The following MAST4 variants were observed in gnomAD, a reference collection of about 807,000 sequenced individuals.
MAST4 encodes microtubule-associated serine/threonine-protein kinase 4.
A neutral mutation model predicts 162.7 loss-of-function variants in MAST4; 89 were observed. That is an observed-to-expected ratio of 0.55 (90% CI 0.46 to 0.65). MAST4 has a LOEUF of 0.65. MAST4 is among the 30% of genes least tolerant of loss of function. The pLI, the probability that MAST4 is intolerant of heterozygous loss-of-function variation, is 0.00. For synonymous variants in MAST4, 1,479 were observed against 1,361.1 expected (o/e 1.09, Z -1.91); for missense variants, 3,153 against 3,374.0 (o/e 0.93, Z 1.62).
intron 1 of MAST4, among the ~76,000 whole-genome samples, chr5:66,726,768 T>C (rs1751547280): frequency 1.3e-5 from 2 of 152,130 alleles, no homozygotes; most frequent in Non-Finnish European, 2.9e-5. Context: ...TAGATTATCA[T>C]AGGAGTGTGA....
At chr5:66,679,734 G>A (rs1033744303) in intron 1 of MAST4, among the ~76,000 whole-genome samples, 5 of 151,898 alleles carry the variant, frequency 3.3e-5, no homozygotes, top group African/African-American at 1.2e-4. Context: ...CTCTCCAGTT[G>A]GGGAGGCACT....
rs1773561570 is a variant in MAST4, at chr5:67,164,053, T to C, written c.4874T>C (p.Val1625Ala). 2 of 1,570,276 alleles carry C rather than the reference T, an allele frequency of 1.3e-6. No homozygotes were observed. Among genetic ancestry groups the C allele is most frequent in the Admixed American group, 3.7e-5 (2 of 53,864 alleles). Residue 1625 changes from valine to alanine, a missense_variant, in exon 29 of 29, where the codon GTG becomes GCG. By Grantham distance (64) the Val-to-Ala change is moderately conservative (BLOSUM62 0). Around this residue, in one of 7 missense-constraint regions of MAST4, gnomAD observed 1,644 missense variants for 1,495.0 expected, o/e 1.10. Coordinates refer to ENST00000403625, the MANE Select transcript of MAST4 (RefSeq NM_001164664.2). The surrounding 1 kb of genome is among the most constrained non-coding windows in gnomAD (Gnocchi z 5.3). Reference sequence around the variant, plus strand: ...GAGGGTGCGATGTCGGATGGCCGGGTGCCTGCGGAGCACCGCCAGGGTGGC... The same window carrying C: ...GAGGGTGCGATGTCGGATGGCCGGGCGCCTGCGGAGCACCGCCAGGGTGGC... ...ASEGAMSDGRVPAEHRQGGGD... is the reference protein window; with the variant it reads ...ASEGAMSDGRAPAEHRQGGGD...
At chr5:66,952,841 C>A (rs747100074) in intron 4 of MAST4, among the ~76,000 whole-genome samples, 1 of 152,164 alleles carries the variant, frequency 6.6e-6, no homozygotes, top group Non-Finnish European at 1.5e-5. Flanking sequence ...CTTCCCAGCC[C>A]GATCTAAAGA....
At chr5:66,833,323 T>G (rs1757743247) in intron 3 of MAST4, among the ~76,000 whole-genome samples, 1 of 152,194 alleles carries the variant, frequency 6.6e-6, no homozygotes, top group South Asian at 2.1e-4. Context: ...CATCAAAGTA[T>G]GTCTAGAGGC....
At chr5:66,597,584 C>A (rs375429480) in intron 1 of MAST4, among the ~76,000 whole-genome samples, 1 of 152,192 alleles carries the variant, frequency 6.6e-6, no homozygotes, top group African/African-American at 2.4e-5. Context: ...AAGAGGACTC[C>A]CCGCGCTCCC....
Position 67,165,614 on chromosome 5 carries a change from C to T in MAST4, c.6435C>T (p.Ser2145=), listed in dbSNP as rs772513465. ...PPPLTAKDLS[S]PAARQHCSSP... is the part of the protein sequence containing the mutation. Reference sequence around the variant, plus strand: ...CTCTGACGGCCAAAGACCTGTCCAGCCCGGCTGCCAGGCAGCATTGCAGTT... The same window carrying T: ...CTCTGACGGCCAAAGACCTGTCCAGTCCGGCTGCCAGGCAGCATTGCAGTT... The change falls in exon 29 of 29, where the codon AGC becomes AGT. Residue 2145 remains serine (S), a synonymous_variant. Transcript: ENST00000403625. 3 of 1,613,398 alleles carry T rather than the reference C, an allele frequency of 1.9e-6. No homozygotes were observed. Among genetic ancestry groups the T allele is most frequent in the Non-Finnish European group, 2.5e-6 (3 of 1,179,696 alleles).
At chr5:66,615,440 C>T (rs1017828885) in intron 1 of MAST4, among the ~76,000 whole-genome samples, 18 of 152,150 alleles carry the variant, frequency 1.2e-4, no homozygotes, top group African/African-American at 2.2e-4. Context: ...GCTAGAGGCC[C>T]TTTGCTTCTG....
chr5:66,875,936 A>G (rs1044106931), intron 3 of MAST4, among the ~76,000 whole-genome samples: 1 of 151,956 alleles, frequency 6.6e-6, no homozygotes, highest in Admixed American at 6.6e-5. Context: ...TCACGTTTTT[A>G]TTTTTATTTT....
chr5:67,101,479 C>T (rs1034344764), intron 8 of MAST4, among the ~76,000 whole-genome samples: 13 of 152,130 alleles, frequency 8.5e-5, no homozygotes, highest in African/African-American at 3.1e-4. Flanking sequence ...TCCCAGAAGC[C>T]GGGCAACAGG....
intron 1 of MAST4, among the ~76,000 whole-genome samples, chr5:66,729,001 A>C (rs1751683018): frequency 6.6e-6 from 1 of 152,074 alleles, no homozygotes; most frequent in African/African-American, 2.4e-5. Context: ...TTTTTTGATA[A>C]TTTTTCTCTG....
chr5:67,030,474 A>G (rs111542453), intron 4 of MAST4, among the ~76,000 whole-genome samples: 35 of 152,148 alleles, frequency 2.3e-4, no homozygotes, highest in African/African-American at 8.2e-4. Context: ...GGTGGCAAAA[A>G]TAGATCATCT....
chr5:66,792,952 G>A (rs1356607264), intron 3 of MAST4, among the ~76,000 whole-genome samples: 2 of 152,158 alleles, frequency 1.3e-5, no homozygotes, highest in South Asian at 2.1e-4. Flanking sequence ...TAACAGTTCC[G>A]TGCCCAATTG....
intron 7 of MAST4, among the ~76,000 whole-genome samples, chr5:67,099,460 G>A (rs551830443): frequency 3.9e-5 from 6 of 152,020 alleles, no homozygotes; most frequent in Non-Finnish European, 8.8e-5. Context: ...GCATTGCAAT[G>A]TTTCAGTATT....
intron 5 of MAST4, among the ~76,000 whole-genome samples, chr5:67,055,484 G>A (rs1055736831): frequency 6.6e-6 from 1 of 152,126 alleles, no homozygotes; most frequent in African/African-American, 2.4e-5. Context: ...TTAAGCTCAG[G>A]GAGCCTTTCA....
chr5:66,675,966 A>C (rs1397630937), intron 1 of MAST4, among the ~76,000 whole-genome samples: 1 of 152,204 alleles, frequency 6.6e-6, no homozygotes. Context: ...GTGATCTTAC[A>C]GTGTGTTAGT....
At chr5:66,760,078 T>TTA (rs1561312357) in intron 2 of MAST4, among the ~76,000 whole-genome samples, 57 of 29,604 alleles carry the variant, frequency 1.9e-3, no homozygotes, top group African/African-American at 5.9e-3. Flanking sequence ...CAATATCCCC[T>TTA]ATTTATTTAT....
intron 3 of MAST4, among the ~76,000 whole-genome samples, chr5:66,848,913 A>C (rs1759094411): frequency 6.6e-6 from 1 of 152,160 alleles, no homozygotes; most frequent in Admixed American, 6.5e-5. Context: ...AAACTCTGTC[A>C]AACATGTGGA....
At chr5:66,866,511 A>G (rs1476153617) in intron 3 of MAST4, among the ~76,000 whole-genome samples, 4 of 152,154 alleles carry the variant, frequency 2.6e-5, no homozygotes, top group Admixed American at 1.3e-4. Context: ...GATTCTATCA[A>G]TTGACTTATT....
chr5:66,827,981 C>T (rs1757353611), intron 3 of MAST4, among the ~76,000 whole-genome samples: 1 of 152,160 alleles, frequency 6.6e-6, no homozygotes, highest in Non-Finnish European at 1.5e-5. Flanking sequence ...CAAGCTGAGA[C>T]AGACTGTGAA....
Sources: gnomAD v4.1 joint callset for allele counts (sites outside exome capture counted in the v4.1 genomes callset) on GRCh38, gnomAD v4.1.1 for gene constraint, gnomAD v4.1.1 regional missense constraint, Gnocchi (gnomAD v3.1) non-coding constraint, MANE v1.5 for transcripts, NCBI Gene and HGNC (gene_info 2026-07-23, HGNC 2026-07-21) for gene names.